Variants in ADGRG6 observed in about 807,000 individuals in gnomAD.
ADGRG6 encodes the protein adhesion G protein-coupled receptor G6.
ADGRG6 carries 84 observed loss-of-function variants against 142.4 expected under a neutral mutation model. The ratio of observed to expected loss-of-function variants is 0.59; its 90% CI spans 0.49 to 0.71. ADGRG6 has a LOEUF of 0.71. Among genes scored for constraint, ADGRG6 ranks in the 30% least tolerant of loss-of-function variants. The pLI is 0.00. For missense variants in ADGRG6, 1,367 were observed against 1,466.6 expected, an observed-to-expected ratio of 0.93 and a Z score of 1.11; for synonymous variants, 521 against 520.5, an observed-to-expected ratio of 1.00 and a Z score of -0.01.
chr6:142,345,745 C>T (rs1298660774), intron 2 of ADGRG6, among the ~76,000 whole-genome samples: 1 of 152,064 alleles, frequency 6.6e-6, no homozygotes, highest in Admixed American at 6.6e-5. Flanking sequence ...AAAGTATAAC[C>T]AGTTGAAAAG....
rs373627914 is a variant in ADGRG6, at chr6:142,408,161, C to T, written c.2280C>T (p.Pro760=). ...TTTTTCTTTAAAAGGATGTAGGACCCCAAAGAAAAACTTTAGTGAGTTATG... is the reference window on the plus strand; with the variant it reads ...TTTTTCTTTAAAAGGATGTAGGACCTCAAAGAAAAACTTTAGTGAGTTATG... ...NKTGLFQDVG[P]QRKTLVSYVM... is the part of the protein sequence containing the mutation. The change falls in exon 16 of 25, where the codon CCC becomes CCT. Residue 760 remains proline (P), a synonymous_variant. Coordinates refer to ENST00000367609, the MANE Select transcript of ADGRG6 (RefSeq NM_198569.3). 8 of 1,580,154 alleles carry T rather than the reference C, an allele frequency of 5.1e-6. No individual in the cohort carries two copies. The African/African-American group carries it at 8.1e-5, about 16-fold the overall frequency.
chr6:142,444,031 GA>G lies in ADGRG6; in HGVS notation c.*520del, dbSNP rs1345760575. 6.6e-6 allele frequency: 1 copy of G among 152,140 alleles called. No individual in the cohort carries two copies. The highest frequency in any genetic ancestry group is 1.5e-5 in the Non-Finnish European group (1 of 68,014). 9.4% of individuals were successfully genotyped at this position (152,140 alleles called of 1,614,324 possible). On this transcript the variant is annotated 3_prime_UTR_variant, in exon 25 of 25. Coordinates refer to ENST00000367609, the MANE Select transcript of ADGRG6 (RefSeq NM_198569.3). ...TTCAATGACATTTCAACCACAGGCAGAAAAGACTGTTTACTCCTTGACCCAA... is the reference window on the plus strand; with the variant it reads ...TTCAATGACATTTCAACCACAGGCAGAAAGACTGTTTACTCCTTGACCCAA...
intron 22 of ADGRG6, among the ~76,000 whole-genome samples, chr6:142,428,994 G>A (rs77492646): frequency 0.041 from 6,207 of 152,044 alleles, 267 homozygotes; most frequent in African/African-American, 0.11. Flanking sequence ...GATAAAACAG[G>A]CATATCACTG....
intron 2 of ADGRG6, among the ~76,000 whole-genome samples, chr6:142,315,815 C>A (rs1284941263): frequency 6.9e-6 from 1 of 144,722 alleles, no homozygotes; most frequent in Non-Finnish European, 1.5e-5. Context: ...TGGGCAACTA[C>A]ATCTCAAATA....
At chr6:142,419,793 T>G in intron 21 of ADGRG6, 28 bp from the exon 22 acceptor site, 1 of 1,553,416 alleles carries the variant, frequency 6.4e-7, no homozygotes, top group Non-Finnish European at 8.8e-7. Flanking sequence ...ATAAATCTTT[T>G]TTTCTTTCTC....
intron 22 of ADGRG6, among the ~76,000 whole-genome samples, chr6:142,423,323 A>G (rs2081396254): frequency 6.7e-6 from 1 of 148,976 alleles, no homozygotes; most frequent in Admixed American, 6.7e-5. Flanking sequence ...TCTTTAATCC[A>G]TCTTGAATTG....
intron 2 of ADGRG6, among the ~76,000 whole-genome samples, chr6:142,333,141 T>C (rs543056432): frequency 6.6e-6 from 1 of 152,358 alleles, no homozygotes; most frequent in Non-Finnish European, 1.5e-5. Context: ...GAATATATGA[T>C]GCAAGTCTTG....
Position 142,444,141 on chromosome 6 carries a change from C to G in ADGRG6, c.*626C>G, listed in dbSNP as rs1777881924. 1 of 152,162 alleles carries G rather than the reference C, an allele frequency of 6.6e-6. No individual in the cohort carries two copies. 9.4% of individuals were successfully genotyped at this position (152,162 alleles called of 1,614,324 possible). ...TAAGAAAACTTTCCCAAAATGTTGA[C>G]CTAGTTAAATGAGGCTATATAAATT... On this transcript the variant is annotated 3_prime_UTR_variant, in exon 25 of 25. Coordinates refer to ENST00000367609, the MANE Select transcript of ADGRG6 (RefSeq NM_198569.3).
chr6:142,349,242 TGAGATAGAGATTAGAATGCAGGGG>T, intron 2 of ADGRG6, among the ~76,000 whole-genome samples: 1 of 152,228 alleles, frequency 6.6e-6, no homozygotes, highest in Admixed American at 6.5e-5. Flanking sequence ...CACCAGACTC[TGAGATAGAGATTAGAATGCAGGGG>T]GTTGGTCAGG....
At chr6:142,318,001 TATATA>T (rs1227045956) in intron 2 of ADGRG6, among the ~76,000 whole-genome samples, 7 of 52,268 alleles carry the variant, frequency 1.3e-4, no homozygotes, top group African/African-American at 2.6e-4. Flanking sequence ...TTATATATTA[TATATA>T]ATATTTATGT....
At chr6:142,319,977 G>A (rs923574102) in intron 2 of ADGRG6, among the ~76,000 whole-genome samples, 5 of 152,072 alleles carry the variant, frequency 3.3e-5, no homozygotes, top group Non-Finnish European at 5.9e-5. Context: ...TGTTAAAATA[G>A]GTTAAAAGTA....
chr6:142,338,375 A>T (rs1195582683), intron 2 of ADGRG6, among the ~76,000 whole-genome samples: 1 of 151,748 alleles, frequency 6.6e-6, no homozygotes, highest in Non-Finnish European at 1.5e-5. Flanking sequence ...ATGATATTAC[A>T]GTTGTTTCTT....
intron 4 of ADGRG6, among the ~76,000 whole-genome samples, chr6:142,373,719 T>C (rs1217167907): frequency 6.6e-6 from 1 of 152,020 alleles, no homozygotes; most frequent in Non-Finnish European, 1.5e-5. Context: ...TTTTAAAACA[T>C]TTATTGTAGA....
intron 3 of ADGRG6, among the ~76,000 whole-genome samples, chr6:142,369,419 G>T (rs1781115924): frequency 6.6e-6 from 1 of 152,128 alleles, no homozygotes; most frequent in Non-Finnish European, 1.5e-5. Context: ...AGGTGCCATT[G>T]TTGCCCATTT....
intron 2 of ADGRG6, among the ~76,000 whole-genome samples, chr6:142,336,060 A>G (rs2114689727): frequency 6.6e-6 from 1 of 152,342 alleles, no homozygotes; most frequent in South Asian, 2.1e-4. Context: ...TTGTTACTCA[A>G]AGCAACTTTT....
chr6:142,361,094 A>C (rs758744383), intron 2 of ADGRG6, among the ~76,000 whole-genome samples: 1 of 152,134 alleles, frequency 6.6e-6, no homozygotes, highest in Non-Finnish European at 1.5e-5. Context: ...TTCTTAGAGA[A>C]AGATAGCATT....
rs146616085 is a variant in ADGRG6 at position 142,334,693 on chromosome 6, G to A, written c.103+25049G>A. 4.7e-3 allele frequency among the ~76,000 whole-genome samples: 716 copies of A among 152,242 alleles called. 6 individuals carry two copies. Among genetic ancestry groups the A allele is most frequent in the African/African-American group, 0.016 (685 of 41,540 alleles). On this transcript the variant is annotated intron_variant, in intron 2 of 24. Coordinates refer to ENST00000367609, the MANE Select transcript of ADGRG6 (RefSeq NM_198569.3). ...TAGCATGAGGTCAGAGTTTGAATCG[G>A]GTGAACCTGAAGGTCCCTTACCAAG...
intron 21 of ADGRG6, among the ~76,000 whole-genome samples, chr6:142,418,652 A>T (rs1776496437): frequency 6.6e-6 from 1 of 152,162 alleles, no homozygotes; most frequent in African/African-American, 2.4e-5. Flanking sequence ...TACCATTAGG[A>T]CATTTCATTT....
intron 2 of ADGRG6, among the ~76,000 whole-genome samples, chr6:142,347,673 G>C (rs1779972917): frequency 6.6e-6 from 1 of 151,878 alleles, no homozygotes; most frequent in Admixed American, 6.6e-5. Flanking sequence ...TACTATACTT[G>C]GTGTATGTCT....
Sources: gnomAD v4.1 joint callset for allele counts (sites outside exome capture counted in the v4.1 genomes callset) on GRCh38, gnomAD v4.1.1 for gene constraint, MANE v1.5 for transcripts, NCBI Gene and HGNC (gene_info 2026-07-23, HGNC 2026-07-21) for gene names.